SYT1: variants seen among roughly 807,000 people sequenced by gnomAD.
The protein encoded by SYT1 is synaptotagmin-1.
In SYT1, 8 loss-of-function variants were observed where a neutral mutation model predicts 44.8. That is an observed-to-expected ratio of 0.18 (90% CI 0.10 to 0.32). SYT1 has a LOEUF of 0.32. Ranked by LOEUF, SYT1 falls within the 10% of genes least tolerant of loss-of-function variation. SYT1 has a pLI of 1.00. For synonymous variants in SYT1, 154 were observed against 188.8 expected (o/e 0.82, Z 1.51); for missense variants, 286 against 509.3 (o/e 0.56, Z 4.22).
rs561390022 is a variant in SYT1, at chr12:79,440,192, T to G, written c.929-3881T>G. On this transcript the variant is annotated intron_variant, in intron 9 of 10. Coordinates refer to ENST00000261205, the MANE Select transcript of SYT1 (RefSeq NM_005639.3). ...AAGACTGTGCCACTGCACTCCAGCC[T>G]GGGTGAAAGAGCGAGACTCCATCTC... Among the ~76,000 whole-genome samples, 3 of 152,258 alleles carry G rather than the reference T, an allele frequency of 2.0e-5. 1 individual carries two copies. In the South Asian group the frequency reaches 6.2e-4, roughly 32 times the overall value.
intron 9 of SYT1, chr12:79,393,032 C>T (rs576649285): frequency 2.0e-5 from 3 of 150,248 alleles, no homozygotes; most frequent in African/African-American, 7.3e-5. Flanking sequence ...TCAATTTCCA[C>T]TTATAAGTGA....
intron 3 of SYT1, among the ~76,000 whole-genome samples, chr12:79,181,316 CA>C (rs1171159890): frequency 6.6e-6 from 1 of 151,924 alleles, no homozygotes; most frequent in African/African-American, 2.4e-5. Context: ...TTAAATAAAA[CA>C]AAGTCATTCA....
intron 2 of SYT1, among the ~76,000 whole-genome samples, chr12:79,017,216 A>C (rs1323227608): frequency 1.3e-5 from 2 of 152,160 alleles, no homozygotes; most frequent in African/African-American, 4.8e-5. Flanking sequence ...TCAGGAGACA[A>C]GAATATTAGA....
intron 4 of SYT1, among the ~76,000 whole-genome samples, chr12:79,239,027 A>G (rs537651104): frequency 4.2e-4 from 64 of 152,366 alleles, no homozygotes; most frequent in African/African-American, 1.4e-3. Context: ...CTTCCAAATT[A>G]TCCTATATTC....
chr12:79,265,002 C>T (rs1878046650), intron 4 of SYT1, among the ~76,000 whole-genome samples: 1 of 152,072 alleles, frequency 6.6e-6, no homozygotes, highest in South Asian at 2.1e-4. Context: ...TTGTATTATA[C>T]ATGTAAAATT....
At chr12:79,233,773 C>T (rs536912114) in intron 4 of SYT1, among the ~76,000 whole-genome samples, 12 of 152,318 alleles carry the variant, frequency 7.9e-5, no homozygotes, top group East Asian at 7.7e-4. Context: ...GTGCTACTGA[C>T]GTGAAAGGCA....
intron 1 of SYT1, among the ~76,000 whole-genome samples, chr12:78,917,445 A>T (rs1876727216): frequency 6.6e-6 from 1 of 151,942 alleles, no homozygotes; most frequent in Non-Finnish European, 1.5e-5. Context: ...GGAACATCAC[A>T]CACTGGGGCC....
intron 3 of SYT1, among the ~76,000 whole-genome samples, chr12:79,131,878 C>T (rs933853106): frequency 2.6e-5 from 4 of 151,996 alleles, no homozygotes; most frequent in South Asian, 2.1e-4. Flanking sequence ...GTGGTTAATT[C>T]GAGTAAAGAG....
At chr12:79,051,632 G>A (rs1300459683) in intron 3 of SYT1, among the ~76,000 whole-genome samples, 2 of 151,816 alleles carry the variant, frequency 1.3e-5, no homozygotes, top group Admixed American at 6.6e-5. Flanking sequence ...TCTGCCATCA[G>A]CAACACTTAA....
intron 4 of SYT1, among the ~76,000 whole-genome samples, chr12:79,239,030 C>G (rs1417855359): frequency 6.6e-6 from 1 of 152,178 alleles, no homozygotes; most frequent in African/African-American, 2.4e-5. Flanking sequence ...CCAAATTATC[C>G]TATATTCTGT....
chr12:79,000,917 C>T (rs747804503), intron 2 of SYT1, among the ~76,000 whole-genome samples: 26 of 152,202 alleles, frequency 1.7e-4, no homozygotes, highest in Non-Finnish European at 2.4e-4. Flanking sequence ...CCCCAAATAT[C>T]GCTACTTAGA....
At chr12:79,398,438 G>A (rs541355854) in intron 9 of SYT1, among the ~76,000 whole-genome samples, 45 of 152,260 alleles carry the variant, frequency 3.0e-4, no homozygotes, top group African/African-American at 1.0e-3. Flanking sequence ...CTGATAACAA[G>A]GAGTAGGTAT....
In SYT1 at chr12:78,941,925, A is replaced by T. The variant is rs548878960; in HGVS notation, c.-216-35874A>T. On this transcript the variant is annotated intron_variant, in intron 1 of 10. Coordinates refer to ENST00000261205, the MANE Select transcript of SYT1 (RefSeq NM_005639.3). Reference sequence around the variant, plus strand: ...TTTCCATTGCCATTCAAGGACCATCACTTTCCTCTTATGTAAAACCTTTCC... The same window carrying T: ...TTTCCATTGCCATTCAAGGACCATCTCTTTCCTCTTATGTAAAACCTTTCC... Among the ~76,000 whole-genome samples, 7 of 152,188 alleles carry T rather than the reference A, an allele frequency of 4.6e-5. No individual in the cohort carries two copies. In the East Asian group the frequency reaches 1.4e-3, roughly 29 times the overall value.
intron 3 of SYT1, among the ~76,000 whole-genome samples, chr12:79,070,507 C>T (rs990745801): frequency 6.6e-6 from 1 of 152,034 alleles, no homozygotes; most frequent in East Asian, 1.9e-4. Context: ...TATTGTGAAT[C>T]CATGTTGTGG....
intron 3 of SYT1, among the ~76,000 whole-genome samples, chr12:79,132,468 A>G (rs897594254): frequency 1.3e-5 from 2 of 151,680 alleles, no homozygotes; most frequent in Non-Finnish European, 2.9e-5. Context: ...AAAAATGCAA[A>G]TGGCCAAGTA....
Position 79,143,092 on chromosome 12 carries a change from A to G in SYT1, c.-17-74411A>G, listed in dbSNP as rs145483631. Among the ~76,000 whole-genome samples the G allele has an allele frequency of 4.6e-5, 7 of 152,318 alleles. No individual in the cohort carries two copies. In the East Asian group the frequency reaches 1.2e-3, roughly 25 times the overall value. ...TTAAAAAAAAGATGGGTGATTAGGT[A>G]TAGAGAGCAATATACAGTTTTCTCT... On this transcript the variant is annotated intron_variant, in intron 3 of 10. Coordinates refer to ENST00000261205, the MANE Select transcript of SYT1 (RefSeq NM_005639.3).
intron 1 of SYT1, among the ~76,000 whole-genome samples, chr12:78,919,025 A>G (rs1020929801): frequency 1.3e-5 from 2 of 151,970 alleles, no homozygotes; most frequent in African/African-American, 4.8e-5. Flanking sequence ...GAAAATTTTA[A>G]AAGAGGCCAG....
intron 1 of SYT1, among the ~76,000 whole-genome samples, chr12:78,897,125 G>A (rs1875406535): frequency 6.6e-6 from 1 of 151,642 alleles, no homozygotes; most frequent in Non-Finnish European, 1.5e-5. Flanking sequence ...CTACAAAATA[G>A]CAAACCTGGC....
intron 2 of SYT1, among the ~76,000 whole-genome samples, chr12:79,020,584 A>G (rs1277662695): frequency 1.3e-5 from 2 of 151,968 alleles, no homozygotes; most frequent in East Asian, 3.9e-4. Flanking sequence ...TATTCTCTGC[A>G]TTATAGTATA....
Sources: gnomAD v4.1 joint callset for allele counts (sites outside exome capture counted in the v4.1 genomes callset) on GRCh38, gnomAD v4.1.1 for gene constraint, MANE v1.5 for transcripts, NCBI Gene and HGNC (gene_info 2026-07-23, HGNC 2026-07-21) for gene names.